OTUD7B: variants seen among roughly 807,000 people sequenced by gnomAD.
The protein encoded by OTUD7B is OTU deubiquitinase 7B.
OTUD7B carries 34 observed loss-of-function variants against 82.2 expected under a neutral mutation model. That is an observed-to-expected ratio of 0.41 (90% CI 0.31 to 0.55). OTUD7B has a LOEUF of 0.55. Among genes scored for constraint, OTUD7B ranks in the 20% least tolerant of loss-of-function variants. The pLI, the probability that OTUD7B is intolerant of heterozygous loss-of-function variation, is 0.20. For synonymous variants in OTUD7B, 398 were observed against 402.7 expected (o/e 0.99, Z 0.14); for missense variants, 944 against 1,062.1 (o/e 0.89, Z 1.55).
rs1403943763 is a variant in OTUD7B, at chr1:149,995,134, C to T, written c.-67+15314G>A. On this transcript the variant is annotated intron_variant, in intron 1 of 11. Transcript: ENST00000581312. Reference sequence around the variant, plus strand: ...ATTCAAGGACCTTTTGAAGATTTAACGTTTATTGTGCACCTAATCCAAGTA... The same window carrying T: ...ATTCAAGGACCTTTTGAAGATTTAATGTTTATTGTGCACCTAATCCAAGTA... 3.9e-5 allele frequency among the ~76,000 whole-genome samples: 6 copies of T among 152,266 alleles called. No individual in the cohort carries two copies. The South Asian group carries it at 6.2e-4, about 16-fold the overall frequency.
chr1:150,004,598 A>C (rs1283948144), intron 1 of OTUD7B, among the ~76,000 whole-genome samples: 2 of 150,570 alleles, frequency 1.3e-5, no homozygotes, highest in Non-Finnish European at 1.5e-5. Context: ...TAAATAAATA[A>C]ATAAATAAAT....
In OTUD7B at chr1:149,943,562, C is replaced by T. The variant is rs891218617; in HGVS notation, c.*295G>A. ...TTCCCCTGCTACTTTCTCTTAGGTC[C>T]CTGGATGGGACCCAGGAGGTTATAA... On this transcript the variant is annotated 3_prime_UTR_variant, in exon 12 of 12. Transcript: ENST00000581312. 1.5e-5 allele frequency: 5 copies of T among 326,998 alleles called. No individual in the cohort carries two copies. The highest frequency in any genetic ancestry group is 4.5e-5 in the Admixed American group (1 of 22,256). The allele number at this position is 326,998 out of a possible 1,614,324, so 20.3% of individuals were successfully genotyped here. A position where few individuals can be genotyped will look rare whatever the true frequency, so the allele number is the denominator to read the frequency against.
At chr1:150,064,579 G>T in the OTUD7B span, among the ~76,000 whole-genome samples, 4 of 152,070 alleles carry the variant, frequency 2.6e-5, no homozygotes, top group Non-Finnish European at 5.9e-5. Context: ...ATGTTGCCCA[G>T]GTTGGTCTCA....
intron 7 of OTUD7B, 44 bp downstream of exon 7, chr1:149,959,640 G>A: frequency 2.5e-6 from 3 of 1,184,304 alleles, no homozygotes; most frequent in Non-Finnish European, 3.8e-6. Context: ...AGCCCAGTGA[G>A]GACTCTATGC....
chr1:150,020,802 C>G, the OTUD7B span, among the ~76,000 whole-genome samples: 47 of 152,318 alleles, frequency 3.1e-4, no homozygotes, highest in East Asian at 8.9e-3. Flanking sequence ...AGGCCCCTAT[C>G]ATATAATTAT....
Position 149,967,308 on chromosome 1 carries a change from G to A in OTUD7B, c.488C>T (p.Ala163Val). ...CACTCACTGACCTGCCTGTTCCAAG[G>A]CAACCAGCATGGACTGCTCAATGAG... ...RDLIEQSMLV[A>V]LEQAGRLNWW... is the part of the protein sequence containing the mutation. The change falls in exon 4 of 12, where the codon GCC becomes GTC. Residue 163 changes from alanine (A) to valine (V), a missense_variant. Around this residue, in one of 3 missense-constraint regions of OTUD7B, gnomAD observed 530 missense variants for 625.6 expected, o/e 0.85. Coordinates refer to ENST00000581312, the MANE Select transcript of OTUD7B (RefSeq NM_020205.4). The A allele has an allele frequency of 6.2e-7, 1 of 1,612,712 alleles. No homozygotes were observed. Among genetic ancestry groups the A allele is most frequent in the Non-Finnish European group, 8.5e-7 (1 of 1,178,982 alleles).
At chr1:150,033,006 T>C in the OTUD7B span, among the ~76,000 whole-genome samples, 1 of 152,244 alleles carries the variant, frequency 6.6e-6, no homozygotes, top group African/African-American at 2.4e-5. Context: ...TATTATCTTA[T>C]TACATGACTA....
intron 1 of OTUD7B, among the ~76,000 whole-genome samples, chr1:149,984,152 C>T (rs1291558791): frequency 6.6e-6 from 1 of 152,112 alleles, no homozygotes. Context: ...GAGCTACTAT[C>T]CCATACCTTC....
chr1:150,014,372 C>T (rs370897078), upstream of OTUD7B, among the ~76,000 whole-genome samples: 18 of 132,218 alleles, frequency 1.4e-4, no homozygotes, highest in African/African-American at 5.3e-4. Context: ...GCACTCCAGC[C>T]TGGGTGACAG....
At chr1:150,028,629 AC>A in the OTUD7B span, among the ~76,000 whole-genome samples, 1 of 152,132 alleles carries the variant, frequency 6.6e-6, no homozygotes, top group Non-Finnish European at 1.5e-5. Context: ...ACCCTTGGCA[AC>A]CACCATTCTA....
intron 1 of OTUD7B, among the ~76,000 whole-genome samples, chr1:149,978,332 C>A (rs1188143246): frequency 2.0e-5 from 3 of 152,130 alleles, no homozygotes; most frequent in Admixed American, 6.5e-5. Flanking sequence ...CATGGCGAAA[C>A]CCTGTTTCTA....
In OTUD7B at chr1:149,939,470, A is replaced by C. The variant is rs781915950; in HGVS notation, c.*4387T>G. The C allele has an allele frequency of 2.0e-5, 3 of 152,218 alleles. No homozygotes were observed. The highest frequency in any genetic ancestry group is 7.2e-5 in the African/African-American group (3 of 41,462). The allele number at this position is 152,218 out of a possible 1,614,324, so 9.4% of individuals were successfully genotyped here. On this transcript the variant is annotated 3_prime_UTR_variant, in exon 12 of 12. Coordinates refer to ENST00000581312, the MANE Select transcript of OTUD7B (RefSeq NM_020205.4). ...AGACTGGCTGTCTGCAAAGTAGAAG[A>C]GACAGAATGCCTGCATGACTCATCC...
chr1:150,034,968 C>A, the OTUD7B span, among the ~76,000 whole-genome samples: 3 of 151,938 alleles, frequency 2.0e-5, no homozygotes, highest in East Asian at 3.9e-4. Flanking sequence ...CATGATGAAA[C>A]CCCGTTTCAA....
chr1:150,056,673 C>T, the OTUD7B span, among the ~76,000 whole-genome samples: 3 of 152,104 alleles, frequency 2.0e-5, no homozygotes, highest in Non-Finnish European at 2.9e-5. Context: ...ACACTCTTAA[C>T]CTCTATATTA....
the OTUD7B span, among the ~76,000 whole-genome samples, chr1:150,028,277 G>T: frequency 1.3e-5 from 2 of 152,176 alleles, no homozygotes; most frequent in Admixed American, 6.5e-5. Flanking sequence ...GTGATCATTG[G>T]ATTCAATACA....
At chr1:149,964,029 C>T in intron 6 of OTUD7B, 193 bp downstream of exon 6, 1 of 580,316 alleles carries the variant, frequency 1.7e-6, no homozygotes, top group South Asian at 2.3e-5. Flanking sequence ...CTCATGCCCA[C>T]CACCAGTTCT....
Position 149,960,413 on chromosome 1 carries a change from T to TTTTTTTTTTTTTTTG in OTUD7B, c.733-618_733-617insCAAAAAAAAAAAAAA, listed in dbSNP as rs1366020859. ...CCTTTTTTTCTTTTTTTTTTTTTTG[T>TTTTTTTTTTTTTTTG]AGACAGAGTCACCCAGGCTGGAGTG... On this transcript the variant is annotated intron_variant, in intron 6 of 11. Transcript: ENST00000581312. Among the ~76,000 whole-genome samples, 15 of 72,572 alleles carry TTTTTTTTTTTTTTTG rather than the reference T, an allele frequency of 2.1e-4. 2 individuals are homozygous for TTTTTTTTTTTTTTTG. Among genetic ancestry groups the TTTTTTTTTTTTTTTG allele is most frequent in the Admixed American group, 6.5e-4 (3 of 4,634 alleles). 47.6% of individuals were successfully genotyped at this position (72,572 alleles called of 152,430 possible).
At chr1:149,967,192 C>A in intron 4 of OTUD7B, 102 bp downstream of exon 4, 1 of 726,798 alleles carries the variant, frequency 1.4e-6, no homozygotes, top group Non-Finnish European at 2.3e-6. Context: ...AATCAGATAA[C>A]ACACTTAAAC....
the OTUD7B span, among the ~76,000 whole-genome samples, chr1:150,035,745 A>T: frequency 6.6e-6 from 1 of 152,164 alleles, no homozygotes; most frequent in Non-Finnish European, 1.5e-5. Context: ...CATGGGACAG[A>T]TAAGGACACT....
Sources: allele counts gnomAD v4.1 joint callset (sites outside exome capture counted in the v4.1 genomes callset), GRCh38; gene constraint gnomAD v4.1.1; regional missense constraint gnomAD v4.1.1; transcripts MANE v1.5; gene names NCBI Gene and HGNC (gene_info 2026-07-23, HGNC 2026-07-21).